Variants in BNC2 observed in about 807,000 individuals in gnomAD.
The protein encoded by BNC2 is zinc finger protein basonuclin-2.
BNC2 carries 20 observed loss-of-function variants against 76.3 expected under a neutral mutation model. The ratio of observed to expected loss-of-function variants is 0.26; its 90% confidence interval spans 0.18 to 0.38. The LOEUF is 0.38. Ranked by LOEUF, BNC2 falls within the 10% of genes least tolerant of loss-of-function variation. The pLI, the probability that BNC2 is intolerant of heterozygous loss-of-function variation, is 1.00. For missense variants in BNC2, 1,382 were observed against 1,399.8 expected (o/e 0.99, Z 0.20); for synonymous variants, 582 against 514.8 (o/e 1.13, Z -1.77).
intron 4 of BNC2, among the ~76,000 whole-genome samples, chr9:16,553,138 A>C (rs946275464): frequency 1.3e-5 from 2 of 151,902 alleles, no homozygotes; most frequent in African/African-American, 4.8e-5. Flanking sequence ...GGTGTCCCCT[A>C]CCCCCCACCA....
chr9:16,645,198 G>A (rs908071442), intron 3 of BNC2, among the ~76,000 whole-genome samples: 5 of 152,176 alleles, frequency 3.3e-5, no homozygotes, highest in African/African-American at 1.2e-4. Context: ...ATTTGAAAGA[G>A]TAGAGGAAGA....
At chr9:16,650,092 G>T (rs1821750420) in intron 3 of BNC2, among the ~76,000 whole-genome samples, 1 of 152,146 alleles carries the variant, frequency 6.6e-6, no homozygotes, top group African/African-American at 2.4e-5. Flanking sequence ...AAGCAAAAAT[G>T]GAGATAAATG....
In BNC2 at chr9:16,676,824, T is replaced by C. The variant is rs566370362; in HGVS notation, c.330+50973A>G. On this transcript the variant is annotated intron_variant, in intron 3 of 6. Transcript: ENST00000380672. Reference sequence around the variant, plus strand: ...AAAAAAAAGCAAGTTCATGAACTGTTTTTTTCCCTGTAAATATTCACTAAC... The same window carrying C: ...AAAAAAAAGCAAGTTCATGAACTGTCTTTTTCCCTGTAAATATTCACTAAC... Among the ~76,000 whole-genome samples, 11 of 152,322 alleles carry C rather than the reference T, an allele frequency of 7.2e-5. No individual in the cohort carries two copies. In the South Asian group the frequency reaches 1.5e-3, roughly 20 times the overall value.
chr9:16,458,602 T>C (rs1052151192), intron 5 of BNC2, among the ~76,000 whole-genome samples: 5 of 152,134 alleles, frequency 3.3e-5, no homozygotes, highest in Admixed American at 2.0e-4. Flanking sequence ...TAAAAAACAA[T>C]CCGCCAACTA....
intron 3 of BNC2, among the ~76,000 whole-genome samples, chr9:16,709,288 C>T (rs150832557): frequency 4.6e-5 from 7 of 152,274 alleles, no homozygotes; most frequent in African/African-American, 7.2e-5. Context: ...AGGTACCATC[C>T]GTCAAAAGTG....
intron 1 of BNC2, among the ~76,000 whole-genome samples, chr9:16,824,171 G>A (rs901945935): frequency 1.3e-5 from 2 of 152,120 alleles, no homozygotes; most frequent in African/African-American, 4.8e-5. Flanking sequence ...TATCACTAAG[G>A]AGGTAATGTG....
At chr9:16,691,367 T>C (rs1321563645) in intron 3 of BNC2, among the ~76,000 whole-genome samples, 2 of 152,228 alleles carry the variant, frequency 1.3e-5, no homozygotes, top group African/African-American at 4.8e-5. Context: ...ATGACTTCGC[T>C]AGTGCTTTAC....
chr9:16,633,536 G>A (rs1327921037), intron 3 of BNC2, among the ~76,000 whole-genome samples: 1 of 152,134 alleles, frequency 6.6e-6, no homozygotes, highest in South Asian at 2.1e-4. Context: ...TTTTGGTAGT[G>A]CGGTAGCTCT....
intron 1 of BNC2, among the ~76,000 whole-genome samples, chr9:16,818,278 CCTGTAGT>C (rs1818231653): frequency 2.0e-5 from 3 of 152,132 alleles, no homozygotes; most frequent in African/African-American, 7.2e-5. Flanking sequence ...TTGGCGGGCG[CCTGTAGT>C]CCCAGCTACT....
chr9:16,727,614 G>C, intron 3 of BNC2, 183 bp downstream of exon 3: 1 of 612,836 alleles, frequency 1.6e-6, no homozygotes, highest in Middle Eastern at 4.4e-4. Flanking sequence ...ACGCCCTTAG[G>C]GAAACCATGA....
At chr9:16,731,365 A>G (rs556575419) in intron 2 of BNC2, among the ~76,000 whole-genome samples, 1 of 152,230 alleles carries the variant, frequency 6.6e-6, no homozygotes, top group South Asian at 2.1e-4. Flanking sequence ...TGAGAGATGG[A>G]CCATGGAAAT....
chr9:16,788,298 A>C (rs796957908), intron 1 of BNC2, among the ~76,000 whole-genome samples: 1 of 152,080 alleles, frequency 6.6e-6, no homozygotes, highest in Non-Finnish European at 1.5e-5. Flanking sequence ...TCACGCCTGT[A>C]ATCCCAGCAC....
chr9:16,808,995 C>T (rs1369272197), intron 1 of BNC2, among the ~76,000 whole-genome samples: 1 of 152,182 alleles, frequency 6.6e-6, no homozygotes, highest in Non-Finnish European at 1.5e-5. Context: ...AGAAGAGAGG[C>T]TCATCTCTGC....
intron 1 of BNC2, among the ~76,000 whole-genome samples, chr9:16,792,482 A>G (rs1219096170): frequency 6.6e-6 from 1 of 152,204 alleles, no homozygotes; most frequent in Non-Finnish European, 1.5e-5. Flanking sequence ...GATCATTGCC[A>G]GTTAGTTCTG....
chr9:16,490,463 A>T (rs1160950069), intron 5 of BNC2, among the ~76,000 whole-genome samples: 1 of 152,162 alleles, frequency 6.6e-6, no homozygotes, highest in Non-Finnish European at 1.5e-5. Flanking sequence ...TTAGGTGGGG[A>T]CACAGCCAAA....
At chr9:16,534,054 G>T (rs910036401) in intron 5 of BNC2, among the ~76,000 whole-genome samples, 1 of 152,124 alleles carries the variant, frequency 6.6e-6, no homozygotes, top group African/African-American at 2.4e-5. Flanking sequence ...CAATAATGGT[G>T]TAAGTGCTTT....
At chr9:16,804,363 G>C (rs1426708512) in intron 1 of BNC2, among the ~76,000 whole-genome samples, 3 of 152,160 alleles carry the variant, frequency 2.0e-5, no homozygotes, top group Non-Finnish European at 4.4e-5. Context: ...TGAAACACAT[G>C]GAAGTTAACT....
chr9:16,487,416 G>A (rs1019337380), intron 5 of BNC2, among the ~76,000 whole-genome samples: 1 of 152,106 alleles, frequency 6.6e-6, no homozygotes, highest in Non-Finnish European at 1.5e-5. Flanking sequence ...ATGTATGAGA[G>A]ACCTAAAAGC....
chr9:16,751,922 G>A (rs897059086), intron 1 of BNC2, among the ~76,000 whole-genome samples: 4 of 151,726 alleles, frequency 2.6e-5, no homozygotes, highest in Admixed American at 6.6e-5. Flanking sequence ...TCAGCTACTC[G>A]GGAGGCTGAG....
Sources: gnomAD v4.1 joint callset for allele counts (sites outside exome capture counted in the v4.1 genomes callset) on GRCh38, gnomAD v4.1.1 for gene constraint, MANE v1.5 for transcripts, NCBI Gene and HGNC (gene_info 2026-07-23, HGNC 2026-07-21) for gene names.